PARG: variants seen among roughly 807,000 people sequenced by gnomAD.
The protein encoded by PARG is mitochondrial poly(ADP-ribose) glycohydrolase.
PARG carries 35 observed loss-of-function variants against 113.0 expected under a neutral mutation model. That is an observed-to-expected ratio of 0.31 (90% CI 0.24 to 0.41). The LOEUF is 0.41. PARG is among the 10% of genes least tolerant of loss of function. The probability of loss-of-function intolerance (pLI) is 1.00; values close to 1 mark genes in which losing one functional copy is unlikely to be tolerated. For synonymous variants in PARG, 330 were observed against 409.9 expected, an observed-to-expected ratio of 0.81 and a Z score of 2.36; for missense variants, 797 against 1,169.4, an observed-to-expected ratio of 0.68 and a Z score of 4.64.
At chr10:49,905,950 T>A (rs566996414) in intron 7 of PARG, among the ~76,000 whole-genome samples, 1 of 151,092 alleles carries the variant, frequency 6.6e-6, no homozygotes, top group African/African-American at 2.4e-5. Context: ...TAGTAAATGG[T>A]TCATCAACAT....
At chr10:49,874,823 C>T (rs1299407038) in intron 9 of PARG, among the ~76,000 whole-genome samples, 2 of 141,836 alleles carry the variant, frequency 1.4e-5, no homozygotes, top group Admixed American at 6.9e-5. Context: ...CACTGCACTC[C>T]AGCCTGGTCG....
chr10:49,835,146 T>C (rs1844853116), intron 15 of PARG, among the ~76,000 whole-genome samples: 7 of 152,010 alleles, frequency 4.6e-5, no homozygotes, highest in Admixed American at 4.6e-4. Flanking sequence ...GAAACAAAGA[T>C]GAGATAAGGA....
Position 49,874,383 on chromosome 10 carries a change from A to G in PARG, c.1989-4828T>C, listed in dbSNP as rs1377474717. Among the ~76,000 whole-genome samples the G allele has an allele frequency of 2.6e-5, 4 of 152,280 alleles. No individual in the cohort carries two copies. In the East Asian group the frequency reaches 7.7e-4, roughly 29 times the overall value. The stretch of plus-strand genomic sequence containing the variant: ...ATTAATATTCCCTTCATTTAAAAAA[A>G]TGGCCCAGCCTTGATTCCCATCAAG... On this transcript the variant is annotated intron_variant, in intron 9 of 17. Coordinates refer to ENST00000616448, the MANE Select transcript of PARG (RefSeq NM_003631.5).
At chr10:49,820,041 C>T in intron 17 of PARG, 124 bp downstream of exon 17, 1 of 674,076 alleles carries the variant, frequency 1.5e-6, no homozygotes, top group Non-Finnish European at 2.5e-6. Flanking sequence ...GTTTGTCCTT[C>T]CTGCTTAGAG....
intron 7 of PARG, among the ~76,000 whole-genome samples, chr10:49,888,633 A>G (rs2941168): frequency 6.6e-6 from 1 of 152,104 alleles, no homozygotes; most frequent in South Asian, 2.1e-4. Flanking sequence ...TTCTCTCTTG[A>G]TGCTTTCAAG....
chr10:49,834,548 G>C (rs1844823511), intron 15 of PARG, among the ~76,000 whole-genome samples: 1 of 152,046 alleles, frequency 6.6e-6, no homozygotes, highest in African/African-American at 2.4e-5. Context: ...TATCTATCTT[G>C]AAAAATGGCC....
chr10:49,862,278 A>G (rs1394159776), intron 11 of PARG, among the ~76,000 whole-genome samples: 1 of 152,026 alleles, frequency 6.6e-6, no homozygotes, highest in Admixed American at 6.6e-5. Context: ...AACAAATTCC[A>G]TTGTATCAAA....
chr10:49,897,987 T>G (rs1482432085), intron 7 of PARG, among the ~76,000 whole-genome samples: 4 of 151,342 alleles, frequency 2.6e-5, no homozygotes, highest in African/African-American at 9.8e-5. Flanking sequence ...AGCAAGACTC[T>G]GTCTCAAAAA....
intron 7 of PARG, among the ~76,000 whole-genome samples, chr10:49,900,851 A>C (rs1490268089): frequency 1.3e-5 from 2 of 151,570 alleles, no homozygotes; most frequent in African/African-American, 4.8e-5. Flanking sequence ...TATTATGTCC[A>C]AGCCAATGGA....
intron 17 of PARG, among the ~76,000 whole-genome samples, 161 bp from the exon 18 acceptor site, chr10:49,819,655 T>A (rs149341847): frequency 6.6e-6 from 1 of 152,326 alleles, no homozygotes; most frequent in African/African-American, 2.4e-5. Context: ...TTTCCCAACA[T>A]AAATTAAACA....
At chr10:49,832,230 T>A (rs1844703853) in intron 16 of PARG, among the ~76,000 whole-genome samples, 1 of 152,214 alleles carries the variant, frequency 6.6e-6, no homozygotes, top group Non-Finnish European at 1.5e-5. Context: ...AGATGCCTCC[T>A]ATCTGTGCCA....
At chr10:49,874,810 C>T (rs1301185572) in intron 9 of PARG, among the ~76,000 whole-genome samples, 5 of 144,452 alleles carry the variant, frequency 3.5e-5, no homozygotes, top group Admixed American at 6.8e-5. Flanking sequence ...GCCGAGATGG[C>T]GCCACTGCAC....
At chr10:49,874,802 C>T (rs1372257835) in intron 9 of PARG, among the ~76,000 whole-genome samples, 4 of 145,802 alleles carry the variant, frequency 2.7e-5, no homozygotes, top group East Asian at 2.0e-4. Context: ...TGCAGTGAGC[C>T]GAGATGGCGC....
intron 6 of PARG, among the ~76,000 whole-genome samples, chr10:49,917,437 C>T (rs1478023187): frequency 2.8e-5 from 4 of 144,402 alleles, no homozygotes; most frequent in Admixed American, 1.4e-4. Flanking sequence ...TGCAGTGAGC[C>T]GAGGTCGTGC....
Position 49,933,253 on chromosome 10 carries a change from T to C in PARG, c.1195A>G (p.Asn399Asp), listed in dbSNP as rs1838577085. 3.1e-6 allele frequency: 5 copies of C among 1,595,796 alleles called. No homozygotes were observed. The highest frequency in any genetic ancestry group is 2.6e-6 in the Non-Finnish European group (3 of 1,167,336). ...TCCTTTTTTCCATGTTGCTTAGAATTTCTGCATTCTACATTCAGGCTAGAA... is the reference window on the plus strand; with the variant it reads ...TCCTTTTTTCCATGTTGCTTAGAATCTCTGCATTCTACATTCAGGCTAGAA... ...NISSLNVECR[N>D]SKQHGKKDSK... The change falls in exon 3 of 18, where the codon AAT becomes GAT. Residue 399 changes from asparagine to aspartate, a missense_variant. Physicochemically the swap from Asn to Asp is conservative, Grantham distance 23. Transcript: ENST00000616448.
intron 7 of PARG, among the ~76,000 whole-genome samples, chr10:49,890,755 G>C (rs1254075325): frequency 6.6e-6 from 1 of 152,016 alleles, no homozygotes; most frequent in Non-Finnish European, 1.5e-5. Flanking sequence ...CATCCAAATA[G>C]AAAAGAGATA....
chr10:49,829,715 G>A (rs1243790437), intron 16 of PARG, among the ~76,000 whole-genome samples: 1 of 152,070 alleles, frequency 6.6e-6, no homozygotes, highest in Non-Finnish European at 1.5e-5. Flanking sequence ...ATCCTGGCAC[G>A]TAAACAGATG....
At position 49,933,613 on chromosome 10, in the gene PARG, T is replaced by C; in HGVS notation, c.835A>G (p.Asn279Asp). Residue 279 changes from asparagine (N) to aspartate (D), a missense_variant, in exon 3 of 18, where the codon AAC becomes GAC. Around this residue, in one of 5 missense-constraint regions of PARG, gnomAD observed 284 missense variants for 306.1 expected, o/e 0.93. Transcript: ENST00000616448. Reference sequence around the variant, plus strand: ...CAACTTTCTTGTCTAGTCAATTTGTTGTCATTTTTTGGCCCAGTACCAACA... The same window carrying C: ...CAACTTTCTTGTCTAGTCAATTTGTCGTCATTTTTTGGCCCAGTACCAACA... ...EDVGTGPKND[N>D]KLTRQESCLG... 15 of 1,610,844 alleles carry C rather than the reference T, an allele frequency of 9.3e-6. No individual in the cohort carries two copies. The highest frequency in any genetic ancestry group is 9.3e-6 in the Non-Finnish European group (11 of 1,177,072).
intron 16 of PARG, 63 bp downstream of exon 16, chr10:49,832,740 G>C: frequency 1.2e-6 from 1 of 866,926 alleles, no homozygotes. Context: ...GAGAAATCTG[G>C]TTTGAAGGAC....
Sources: allele counts gnomAD v4.1 joint callset (sites outside exome capture counted in the v4.1 genomes callset), GRCh38; gene constraint gnomAD v4.1.1; regional missense constraint gnomAD v4.1.1; transcripts MANE v1.5; gene names NCBI Gene and HGNC (gene_info 2026-07-23, HGNC 2026-07-21).